Variants in AGFG2 observed in about 807,000 individuals in gnomAD.
AGFG2 encodes the protein ArfGAP with FG repeats 2.
A neutral mutation model predicts 48.0 loss-of-function variants in AGFG2; 31 were observed. That is an observed-to-expected ratio of 0.65 (90% CI 0.49 to 0.87). The LOEUF (loss-of-function observed/expected upper bound fraction) is 0.87, where lower values mean the gene tolerates loss of function less well. AGFG2 is among the 40% of genes least tolerant of loss of function. The pLI, the probability that AGFG2 is intolerant of heterozygous loss-of-function variation, is 0.00. For missense variants in AGFG2, 599 were observed against 632.6 expected (o/e 0.95, Z 0.57); for synonymous variants, 229 against 260.8 (o/e 0.88, Z 1.18).
At chr7:100,540,217 TAGC>T (rs753696589) in intron 1 of AGFG2, among the ~76,000 whole-genome samples, 3 of 152,082 alleles carry the variant, frequency 2.0e-5, no homozygotes, top group African/African-American at 7.2e-5. Flanking sequence ...ATACTAATCT[TAGC>T]AGGGCTTTGA....
chr7:100,561,722 C>T (rs1800878825), intron 6 of AGFG2, among the ~76,000 whole-genome samples: 1 of 152,240 alleles, frequency 6.6e-6, no homozygotes, highest in African/African-American at 2.4e-5. Flanking sequence ...TGAACAGTGC[C>T]TCCAGGCTCA....
chr7:100,556,831 C>A (rs1800768354), intron 6 of AGFG2, among the ~76,000 whole-genome samples: 1 of 152,170 alleles, frequency 6.6e-6, no homozygotes, highest in Non-Finnish European at 1.5e-5. Context: ...TCTCACTGTG[C>A]CACTGTGAGC....
chr7:100,553,400 C>G lies in AGFG2; in HGVS notation c.485C>G (p.Ser162Cys). The G allele has an allele frequency of 1.2e-6, 2 of 1,614,228 alleles. No homozygotes were observed. The highest frequency in any genetic ancestry group is 1.7e-6 in the Non-Finnish European group (2 of 1,180,036). ...CCCACTTATACCAAAGGCAGTGCCT[C>G]CACCCCTGTGCAGGGCTCCATCCCA... ...KGPTYTKGSA[S>C]TPVQGSIPEG... The change falls in exon 4 of 12, where the codon TCC (serine) becomes TGC (cysteine). Residue 162 changes from serine to cysteine, a missense_variant. Ser to Cys is a moderately radical substitution (Grantham distance 112, BLOSUM62 -1). Transcript: ENST00000300176.
chr7:100,550,498 G>C lies in AGFG2; in HGVS notation c.418G>C (p.Glu140Gln). Residue 140 changes from glutamate (E) to glutamine (Q), a missense_variant, in exon 3 of 12, where the codon GAG (glutamate) becomes CAG (glutamine). By Grantham distance (29) the Glu-to-Gln change is conservative (BLOSUM62 2). Transcript: ENST00000300176. ...KVKEFLQEKY[E>Q]KKRWYVPPDQ... Reference sequence around the variant, plus strand: ...GAAGGAGTTTCTCCAGGAAAAATATGAGAAGAAGAGATGGTAAGGAGTAGG... The same window carrying C: ...GAAGGAGTTTCTCCAGGAAAAATATCAGAAGAAGAGATGGTAAGGAGTAGG... The C allele has an allele frequency of 6.2e-7, 1 of 1,611,390 alleles. No homozygotes were observed. The highest frequency in any genetic ancestry group is 8.5e-7 in the Non-Finnish European group (1 of 1,177,638).
Position 100,553,386 on chromosome 7 carries a change from C to G in AGFG2, c.471C>G (p.Thr157=), listed in dbSNP as rs768643907. 2.2e-5 allele frequency: 35 copies of G among 1,614,186 alleles called. No individual in the cohort carries two copies. The highest frequency in any genetic ancestry group is 3.3e-4 in the Middle Eastern group (2 of 6,060). The change falls in exon 4 of 12, where the codon ACC becomes ACG. Residue 157 remains threonine, a synonymous_variant. Transcript: ENST00000300176. ...PPDQVKGPTY[T]KGSASTPVQG... Reference sequence around the variant, plus strand: ...ACCAAGTCAAGGGGCCCACTTATACCAAAGGCAGTGCCTCCACCCCTGTGC... The same window carrying G: ...ACCAAGTCAAGGGGCCCACTTATACGAAAGGCAGTGCCTCCACCCCTGTGC...
At position 100,548,938 on chromosome 7, in the gene AGFG2, G is replaced by C. The variant is rs1368822633; in HGVS notation, c.315+23G>C. 2.5e-6 allele frequency: 4 copies of C among 1,594,808 alleles called. No individual in the cohort carries two copies. In the East Asian group the frequency reaches 8.9e-5, roughly 36 times the overall value. On this transcript the variant is annotated intron_variant, in intron 2 of 11. Transcript: ENST00000300176. ...GAGGTGAGCTGCCACCGATGGAGTG[G>C]TGAGAAGGTCACCTATCTGCAGGTG...
In AGFG2 at chr7:100,565,942, C is replaced by T. The variant is rs533864258; in HGVS notation, c.*951C>T. The stretch of plus-strand genomic sequence containing the variant: ...GCCTCCCTGTCCCCAAATCTCTGCA[C>T]CAAAGCTCATTGCAGGCAATGTTGG... On this transcript the variant is annotated 3_prime_UTR_variant, in exon 12 of 12. Coordinates refer to ENST00000300176, the MANE Select transcript of AGFG2 (RefSeq NM_006076.5). 30 of 151,370 alleles carry T rather than the reference C, an allele frequency of 2.0e-4. No individual in the cohort carries two copies. In the Middle Eastern group the frequency reaches 0.01, roughly 52 times the overall value. The allele number at this position is 151,370 out of a possible 1,614,324, so 9.4% of individuals were successfully genotyped here. A position where few individuals can be genotyped will look rare whatever the true frequency, so the allele number is the denominator to read the frequency against.
chr7:100,539,725 A>T (rs577415103), intron 1 of AGFG2, among the ~76,000 whole-genome samples, 158 bp downstream of exon 1: 27 of 151,320 alleles, frequency 1.8e-4, no homozygotes, highest in Non-Finnish European at 3.1e-4. Flanking sequence ...CGTCTGCTGC[A>T]GCGGTGTGGT....
At chr7:100,548,544 C>T (rs187400673) in intron 1 of AGFG2, among the ~76,000 whole-genome samples, 5 of 152,248 alleles carry the variant, frequency 3.3e-5, no homozygotes, top group African/African-American at 9.6e-5. Flanking sequence ...AACTCCTGGC[C>T]TCAAGTGAGC....
chr7:100,541,473 G>A (rs1036524645), intron 1 of AGFG2, among the ~76,000 whole-genome samples: 2 of 152,086 alleles, frequency 1.3e-5, no homozygotes, highest in Admixed American at 6.6e-5. Context: ...ATTGAGCAAC[G>A]TTTAGGAGTA....
At chr7:100,564,521 CT>C (rs1246687723) in intron 11 of AGFG2, among the ~76,000 whole-genome samples, 7,305 of 140,756 alleles carry the variant, frequency 0.052, 203 homozygotes, top group Non-Finnish European at 0.074. Context: ...CCTCACTTTC[CT>C]TTTTTTTTTT....
At chr7:100,560,808 CTTT>C (rs66837050) in intron 6 of AGFG2, among the ~76,000 whole-genome samples, 2 of 112,836 alleles carry the variant, frequency 1.8e-5, no homozygotes, top group Non-Finnish European at 3.5e-5. Context: ...GAAGATCTCC[CTTT>C]TTTTTTTTTT....
rs1801002143 is a variant in AGFG2 at position 100,566,034 on chromosome 7, G to A, written c.*1043G>A. The A allele has an allele frequency of 6.6e-6, 1 of 152,574 alleles. No homozygotes were observed. The highest frequency in any genetic ancestry group is 1.5e-5 in the Non-Finnish European group (1 of 68,048). 9.5% of individuals were successfully genotyped at this position (152,574 alleles called of 1,614,324 possible). A position where few individuals can be genotyped will look rare whatever the true frequency, so the allele number is the denominator to read the frequency against. ...GTTTTGCTTCAGGCCACTTTGAGGGGTTGCAGGTCAGTCAACATGACTGAT... is the reference window on the plus strand; with the variant it reads ...GTTTTGCTTCAGGCCACTTTGAGGGATTGCAGGTCAGTCAACATGACTGAT... On this transcript the variant is annotated 3_prime_UTR_variant, in exon 12 of 12. Coordinates refer to ENST00000300176, the MANE Select transcript of AGFG2 (RefSeq NM_006076.5).
chr7:100,551,131 G>A (rs192495109), intron 3 of AGFG2, among the ~76,000 whole-genome samples: 2,095 of 140,460 alleles, frequency 0.015, 59 homozygotes, highest in African/African-American at 0.055. Context: ...GTGCAGTGGC[G>A]TGATCTCGGC....
Position 100,548,851 on chromosome 7 carries a change from A to G in AGFG2, c.251A>G (p.Lys84Arg). ...LRGLNPPHRV[K>R]SISMTTFTEP... The stretch of plus-strand genomic sequence containing the variant: ...GGGCTGAACCCCCCTCATCGTGTCA[A>G]GTCAATCTCCATGACAACTTTCACT... Residue 84 changes from lysine to arginine, a missense_variant, in exon 2 of 12, where the codon AAG becomes AGG. By Grantham distance (26) the Lys-to-Arg change is conservative. Transcript: ENST00000300176. 1.2e-6 allele frequency: 2 copies of G among 1,613,670 alleles called. No individual in the cohort carries two copies. Among genetic ancestry groups the G allele is most frequent in the Non-Finnish European group, 1.7e-6 (2 of 1,179,766 alleles).
Position 100,562,310 on chromosome 7 carries a change from A to C in AGFG2, c.929A>C (p.Gln310Pro). 1 of 1,614,118 alleles carries C rather than the reference A, an allele frequency of 6.2e-7. No individual in the cohort carries two copies. Among genetic ancestry groups the C allele is most frequent in the East Asian group, 2.2e-5 (1 of 44,878 alleles). ...GCCACTCCCCTGGCACCCGCCAGTC[A>C]GCCAAACAGCCTCGCAGACGTGGGC... ...FGATPLAPASQPNSLADVGSF... is the reference protein window; with the variant it reads ...FGATPLAPASPPNSLADVGSF... The change falls in exon 7 of 12, where the codon CAG (glutamine) becomes CCG (proline). Residue 310 changes from glutamine (Q) to proline (P), a missense_variant. Coordinates refer to ENST00000300176, the MANE Select transcript of AGFG2 (RefSeq NM_006076.5). The surrounding 1 kb of genome is among the most constrained non-coding windows in gnomAD (Gnocchi z 5.4).
chr7:100,555,860 C>G, intron 6 of AGFG2, 125 bp downstream of exon 6: 1 of 1,360,800 alleles, frequency 7.3e-7, no homozygotes, highest in Non-Finnish European at 1.0e-6. Context: ...CAAAGAGAAG[C>G]AGCTCCAGGA....
chr7:100,555,552 C>T (rs961882965), intron 5 of AGFG2, 58 bp from the exon 6 acceptor site: 17 of 1,571,850 alleles, frequency 1.1e-5, no homozygotes, highest in Admixed American at 6.8e-5. Context: ...GAATTACAGG[C>T]GTGAGCTACC....
intron 1 of AGFG2, among the ~76,000 whole-genome samples, chr7:100,543,299 A>T (rs943246401): frequency 1.3e-5 from 2 of 152,204 alleles, no homozygotes; most frequent in African/African-American, 4.8e-5. Context: ...TCCTGACCTC[A>T]GGTGATCCAC....
Sources: allele counts gnomAD v4.1 joint callset (sites outside exome capture counted in the v4.1 genomes callset), GRCh38; gene constraint gnomAD v4.1.1; non-coding constraint Gnocchi (gnomAD v3.1); transcripts MANE v1.5; gene names NCBI Gene and HGNC (gene_info 2026-07-23, HGNC 2026-07-21).